Variants in STARD13 observed in about 807,000 individuals in gnomAD.
The protein encoded by STARD13 is stAR-related lipid transfer protein 13.
In STARD13, 62 loss-of-function variants were observed where a neutral mutation model predicts 106.4. The observed-to-expected ratio is 0.58, with a 90% CI of 0.48 to 0.72. STARD13 has a LOEUF of 0.72. STARD13 is among the 30% of genes least tolerant of loss of function. The pLI, the probability that STARD13 is intolerant of heterozygous loss-of-function variation, is 0.00. For missense variants in STARD13, 1,387 were observed against 1,424.0 expected, an observed-to-expected ratio of 0.97 and a Z score of 0.42; for synonymous variants, 565 against 553.0, an observed-to-expected ratio of 1.02 and a Z score of -0.31.
the STARD13 span, among the ~76,000 whole-genome samples, chr13:33,433,259 C>T: frequency 1.3e-5 from 2 of 152,184 alleles, no homozygotes; most frequent in Admixed American, 6.5e-5. Context: ...GTCATAATCT[C>T]ATCTTTTCAA....
At chr13:33,346,168 A>T (rs375052195), downstream of STARD13, among the ~76,000 whole-genome samples, 1 of 152,220 alleles carries the variant, frequency 6.6e-6, no homozygotes, top group Non-Finnish European at 1.5e-5. Flanking sequence ...AGCCAGAGAG[A>T]AACCAAGGCC....
chr13:33,182,700 G>C (rs2764629), intron 1 of STARD13, among the ~76,000 whole-genome samples: 57,122 of 152,196 alleles, frequency 0.38, 10,889 homozygotes, highest in East Asian at 0.5. Flanking sequence ...GGGGCCGTGG[G>C]CTGGACGAGC....
chr13:33,368,477 T>A, the STARD13 span, among the ~76,000 whole-genome samples: 1 of 152,162 alleles, frequency 6.6e-6, no homozygotes, highest in African/African-American at 2.4e-5. Flanking sequence ...AATGAGTGAC[T>A]AGGATGGAAC....
the STARD13 span, among the ~76,000 whole-genome samples, chr13:33,369,735 T>G: frequency 1.3e-3 from 202 of 152,328 alleles, no homozygotes; most frequent in East Asian, 0.011. Context: ...CAGTTTTTTT[T>G]TTGAAGGCAG....
chr13:33,499,604 T>TTCTTCTTCTTTCTTCTTC, the STARD13 span, among the ~76,000 whole-genome samples: 5 of 39,896 alleles, frequency 1.3e-4, 1 homozygote, highest in Non-Finnish European at 2.5e-4. Flanking sequence ...CTTCTTCTTC[T>TTCTTCTTCTTTCTTCTTC]TTCTTCTTCT....
At chr13:33,633,506 C>T in the STARD13 span, among the ~76,000 whole-genome samples, 1 of 152,152 alleles carries the variant, frequency 6.6e-6, no homozygotes, top group Non-Finnish European at 1.5e-5. Context: ...GCACATTTGC[C>T]GCTAAATGTC....
At chr13:33,289,744 G>A (rs984578937), upstream of STARD13, among the ~76,000 whole-genome samples, 5 of 152,042 alleles carry the variant, frequency 3.3e-5, no homozygotes, top group African/African-American at 1.2e-4. Flanking sequence ...ATTGAGAGTT[G>A]GTGTCTTCAA....
chr13:33,547,318 T>G, the STARD13 span, among the ~76,000 whole-genome samples: 1 of 152,258 alleles, frequency 6.6e-6, no homozygotes, highest in Non-Finnish European at 1.5e-5. Context: ...TGTTAAACAC[T>G]TTGTGTCAGT....
the STARD13 span, among the ~76,000 whole-genome samples, chr13:33,599,227 A>T: frequency 0.016 from 2,433 of 152,226 alleles, 51 homozygotes; most frequent in East Asian, 0.05. Flanking sequence ...CAGCCTTAAA[A>T]CTTTTCACGT....
the STARD13 span, among the ~76,000 whole-genome samples, chr13:33,475,854 G>A: frequency 4.6e-5 from 7 of 152,110 alleles, no homozygotes; most frequent in East Asian, 1.3e-3. Context: ...CTACTCAGGA[G>A]GCTGAGGCAG....
upstream of STARD13, among the ~76,000 whole-genome samples, chr13:33,289,116 G>C (rs919684564): frequency 6.6e-6 from 1 of 152,156 alleles, no homozygotes; most frequent in African/African-American, 2.4e-5. Context: ...CAAAGAGGGA[G>C]AGAGTGCCCA....
intron 1 of STARD13, chr13:33,205,808 C>G: frequency 2.0e-6 from 2 of 977,110 alleles, no homozygotes; most frequent in African/African-American, 3.5e-5. Context: ...TTCTATGGAA[C>G]ACAAACTTAC....
chr13:33,110,329 C>A (rs1351051475), intron 11 of STARD13, among the ~76,000 whole-genome samples: 1 of 152,100 alleles, frequency 6.6e-6, no homozygotes, highest in East Asian at 1.9e-4. Flanking sequence ...TACTGTGTGC[C>A]AGGAACTATT....
At chr13:33,313,470 C>T (rs916386094) in intron 1 of STARD13, among the ~76,000 whole-genome samples, 5 of 152,130 alleles carry the variant, frequency 3.3e-5, no homozygotes, top group African/African-American at 4.8e-5. Flanking sequence ...GATGCTGACC[C>T]TTGCCAGAGC....
chr13:33,290,955 A>G (rs990404853), intron 1 of STARD13, among the ~76,000 whole-genome samples: 2 of 152,208 alleles, frequency 1.3e-5, no homozygotes, highest in East Asian at 3.8e-4. Flanking sequence ...CAGTCATATT[A>G]ATACCTGTAA....
chr13:33,531,909 T>C, the STARD13 span, among the ~76,000 whole-genome samples: 2 of 152,196 alleles, frequency 1.3e-5, 1 homozygote, highest in Admixed American at 1.3e-4. Flanking sequence ...ATACACTTAA[T>C]AGTCTCAAAA....
the STARD13 span, among the ~76,000 whole-genome samples, chr13:33,399,579 T>C: frequency 1.3e-5 from 2 of 151,458 alleles, no homozygotes; most frequent in Admixed American, 1.3e-4. Flanking sequence ...CTGGTGCCTG[T>C]AGTCCCGGCT....
At chr13:33,121,007 C>A (rs1876202925) in intron 7 of STARD13, among the ~76,000 whole-genome samples, 3 of 152,122 alleles carry the variant, frequency 2.0e-5, no homozygotes. Flanking sequence ...TCCCAAAGTG[C>A]TGGCATTACA....
the STARD13 span, among the ~76,000 whole-genome samples, chr13:33,449,499 AC>A: frequency 6.6e-6 from 1 of 152,246 alleles, no homozygotes; most frequent in East Asian, 1.9e-4. Context: ...TGTTTTGGTT[AC>A]TAACACTTAG....
Sources: allele counts gnomAD v4.1 joint callset (sites outside exome capture counted in the v4.1 genomes callset), GRCh38; gene constraint gnomAD v4.1.1; transcripts MANE v1.5; gene names NCBI Gene and HGNC (gene_info 2026-07-23, HGNC 2026-07-21).